Variants in ZNF385B observed in about 807,000 individuals in gnomAD.
ZNF385B encodes the protein zinc finger protein 533.
In ZNF385B, 23 loss-of-function variants were observed where a neutral mutation model predicts 39.2. The observed-to-expected ratio is 0.59, with a 90% CI of 0.42 to 0.83. The LOEUF (loss-of-function observed/expected upper bound fraction) is 0.83. ZNF385B is among the 40% of genes least tolerant of loss of function. The probability of loss-of-function intolerance (pLI) is 0.00; values close to 1 mark genes in which losing one functional copy is unlikely to be tolerated. For synonymous variants in ZNF385B, 205 were observed against 222.6 expected (o/e 0.92, Z 0.70); for missense variants, 552 against 598.9 (o/e 0.92, Z 0.82).
At chr2:179,497,304 A>G (rs2056319347) in intron 5 of ZNF385B, among the ~76,000 whole-genome samples, 1 of 152,218 alleles carries the variant, frequency 6.6e-6, no homozygotes, top group Non-Finnish European at 1.5e-5. Context: ...CCTAAGTAGA[A>G]AGACTAAGCA....
At chr2:179,761,509 T>G (rs1703383677) in intron 3 of ZNF385B, among the ~76,000 whole-genome samples, 1 of 152,146 alleles carries the variant, frequency 6.6e-6, no homozygotes, top group Non-Finnish European at 1.5e-5. Flanking sequence ...AGGAAGTGAT[T>G]ATAAATGGTA....
rs371969920 is a variant in ZNF385B at position 179,731,313 on chromosome 2, G to A, written c.298+38190C>T. Among the ~76,000 whole-genome samples the A allele has an allele frequency of 5.9e-5, 9 of 152,320 alleles. No homozygotes were observed. In the East Asian group the frequency reaches 1.3e-3, roughly 23 times the overall value. ...TTCATAAATGAGAAAACTGAGTTTA[G>A]GGAGGTAAGAGAACTTTCCCACACA... On this transcript the variant is annotated intron_variant, in intron 3 of 9. Coordinates refer to ENST00000410066, the MANE Select transcript of ZNF385B (RefSeq NM_152520.6).
chr2:179,550,792 T>TTGC lies in ZNF385B; in HGVS notation c.299-5826_299-5824dup, dbSNP rs372924068. The stretch of plus-strand genomic sequence containing the variant: ...TCTCTCTGTCTTCATATTTCAGATT[T>TTGC]TGCTGCTGCTGCTGCTGCTGCTAAG... On this transcript the variant is annotated intron_variant, in intron 3 of 9. Coordinates refer to ENST00000410066, the MANE Select transcript of ZNF385B (RefSeq NM_152520.6). 3.5e-3 allele frequency among the ~76,000 whole-genome samples: 519 copies of TTGC among 149,174 alleles called. 46 individuals carry two copies. Among genetic ancestry groups the TTGC allele is most frequent in the African/African-American group, 0.011 (443 of 39,600 alleles).
chr2:179,701,295 T>C (rs1699182245), intron 3 of ZNF385B, among the ~76,000 whole-genome samples: 1 of 152,198 alleles, frequency 6.6e-6, no homozygotes, highest in African/African-American at 2.4e-5. Flanking sequence ...GGAGCTATTT[T>C]CTTTCTCTGT....
intron 3 of ZNF385B, among the ~76,000 whole-genome samples, chr2:179,569,752 T>C (rs1014059928): frequency 1.3e-5 from 2 of 152,220 alleles, no homozygotes; most frequent in Non-Finnish European, 2.9e-5. Flanking sequence ...AAGGTCAATA[T>C]TGGCTTATAG....
intron 7 of ZNF385B, 88 bp from the exon 8 acceptor site, chr2:179,445,816 G>C (rs2105538743): frequency 1.6e-6 from 2 of 1,252,276 alleles, no homozygotes; most frequent in Admixed American, 5.8e-5. Flanking sequence ...TTTACCTGCA[G>C]GCTAAAATTC....
intron 1 of ZNF385B, among the ~76,000 whole-genome samples, chr2:179,841,846 C>G (rs1708552627): frequency 6.6e-6 from 1 of 152,104 alleles, no homozygotes; most frequent in South Asian, 2.1e-4. Flanking sequence ...GTCCTAGAAC[C>G]AGATGAGATT....
At chr2:179,688,075 T>G (rs531575878) in intron 3 of ZNF385B, among the ~76,000 whole-genome samples, 277 of 152,322 alleles carry the variant, frequency 1.8e-3, no homozygotes, top group Middle Eastern at 0.01. Context: ...GCTCAGTTTC[T>G]GTCCCTTTTC....
intron 6 of ZNF385B, among the ~76,000 whole-genome samples, chr2:179,449,268 T>C (rs6757845): frequency 0.66 from 100,262 of 151,850 alleles, 33,878 homozygotes; most frequent in East Asian, 0.93. Context: ...AATGAGACAT[T>C]TTTCATTAAA....
chr2:179,498,245 G>A (rs1372267796), intron 5 of ZNF385B, among the ~76,000 whole-genome samples: 2 of 151,990 alleles, frequency 1.3e-5, no homozygotes, highest in Admixed American at 6.6e-5. Context: ...TCTAATGGCT[G>A]TAGAATACAT....
intron 1 of ZNF385B, among the ~76,000 whole-genome samples, chr2:179,789,543 T>C (rs904723742): frequency 6.6e-6 from 1 of 152,198 alleles, no homozygotes; most frequent in Admixed American, 6.6e-5. Context: ...GGACTGAATT[T>C]GTTGTTTTGA....
At chr2:179,537,022 G>A (rs1016442969) in intron 4 of ZNF385B, among the ~76,000 whole-genome samples, 21 of 152,180 alleles carry the variant, frequency 1.4e-4, no homozygotes, top group African/African-American at 4.1e-4. Context: ...TTGAAAGGGT[G>A]AGGGACGGCC....
rs532264169 is a variant in ZNF385B at position 179,753,761 on chromosome 2, G to A, written c.298+15742C>T. Among the ~76,000 whole-genome samples the A allele has an allele frequency of 2.0e-5, 3 of 152,260 alleles. No individual in the cohort carries two copies. The South Asian group carries it at 6.2e-4, about 32-fold the overall frequency. On this transcript the variant is annotated intron_variant, in intron 3 of 9. Coordinates refer to ENST00000410066, the MANE Select transcript of ZNF385B (RefSeq NM_152520.6). ...CTGTTATTGGTGTATAAGAATGCTTGCGATTTTTGCACATTGATTTTATAT... is the reference window on the plus strand; with the variant it reads ...CTGTTATTGGTGTATAAGAATGCTTACGATTTTTGCACATTGATTTTATAT...
intron 1 of ZNF385B, among the ~76,000 whole-genome samples, chr2:179,812,952 T>C (rs1387042506): frequency 6.6e-6 from 1 of 152,174 alleles, no homozygotes; most frequent in Non-Finnish European, 1.5e-5. Context: ...TCCTATAATA[T>C]TTACAAAATC....
chr2:179,493,352 T>C (rs1270622691), intron 5 of ZNF385B, among the ~76,000 whole-genome samples: 1 of 140,162 alleles, frequency 7.1e-6, no homozygotes, highest in African/African-American at 2.6e-5. Flanking sequence ...ATATGGCATG[T>C]ATATATATAT....
chr2:179,647,158 T>C (rs914558812), intron 3 of ZNF385B, among the ~76,000 whole-genome samples: 4 of 152,318 alleles, frequency 2.6e-5, no homozygotes, highest in Non-Finnish European at 4.4e-5. Flanking sequence ...CCAGATACAA[T>C]TGCCTATGTT....
intron 6 of ZNF385B, among the ~76,000 whole-genome samples, chr2:179,448,673 A>C (rs2049765859): frequency 2.0e-5 from 3 of 152,280 alleles, no homozygotes; most frequent in Admixed American, 6.5e-5. Flanking sequence ...AAGATGAGGA[A>C]ACTGAGCCTT....
chr2:179,717,743 CAA>C (rs1700420460), intron 3 of ZNF385B, among the ~76,000 whole-genome samples: 1 of 152,116 alleles, frequency 6.6e-6, no homozygotes, highest in Admixed American at 6.6e-5. Context: ...AATAAACAAA[CAA>C]AAACCTTCTC....
intron 3 of ZNF385B, among the ~76,000 whole-genome samples, chr2:179,555,600 T>C (rs1391766557): frequency 6.7e-6 from 1 of 149,548 alleles, no homozygotes; most frequent in Admixed American, 6.7e-5. Flanking sequence ...CTGTCAAGTT[T>C]GTATAATTTT....
Sources: gnomAD v4.1 joint callset for allele counts (sites outside exome capture counted in the v4.1 genomes callset) on GRCh38, gnomAD v4.1.1 for gene constraint, MANE v1.5 for transcripts, NCBI Gene and HGNC (gene_info 2026-07-23, HGNC 2026-07-21) for gene names.